The following ARRDC3 variants were observed in gnomAD, a reference collection of about 807,000 sequenced individuals.
ARRDC3 encodes the protein arrestin domain-containing protein 3.
A neutral mutation model predicts 47.2 loss-of-function variants in ARRDC3; 10 were observed. The ratio of observed to expected loss-of-function variants is 0.21; its 90% CI spans 0.13 to 0.36. ARRDC3 has a LOEUF of 0.36. Ranked by LOEUF, ARRDC3 falls within the 10% of genes least tolerant of loss-of-function variation. ARRDC3 has a pLI of 1.00. For missense variants in ARRDC3, 381 were observed against 503.6 expected (o/e 0.76, Z 2.33); for synonymous variants, 156 against 178.3 (o/e 0.87, Z 1.00).
At chr5:91,376,474 G>T in intron 3 of ARRDC3, 147 bp downstream of exon 3, 1 of 725,032 alleles carries the variant, frequency 1.4e-6, no homozygotes, top group Non-Finnish European at 2.2e-6. Context: ...CAGTGTTCTT[G>T]ACTGTATTTA....
chr5:91,373,796 C>G lies in ARRDC3; in HGVS notation c.1076G>C (p.Arg359Pro). The G allele has an allele frequency of 6.2e-7, 1 of 1,614,066 alleles. No individual in the cohort carries two copies. The highest frequency in any genetic ancestry group is 1.3e-5 in the African/African-American group (1 of 75,034). Residue 359 changes from arginine to proline, a missense_variant, in exon 7 of 8, where the codon CGG becomes CCG. Transcript: ENST00000265138. ...YAEVVTEEQR[R>P]NNLAPVSACD... The stretch of plus-strand genomic sequence containing the variant: ...AGCACTCACTGGTGCAAGATTGTTC[C>G]GCCTTTGTTCCTCTGTTACCACTTC...
At position 91,375,540 on chromosome 5, in the gene ARRDC3, G is replaced by A. The variant is rs1249718877; in HGVS notation, c.584C>T (p.Ala195Val). Reference sequence around the variant, plus strand: ...GGTATAGCCCTTCCTTTCAATTTTGGCACTTAAGGATATTGGGCCTGAGGT... The same window carrying A: ...GGTATAGCCCTTCCTTTCAATTTTGACACTTAAGGATATTGGGCCTGAGGT... ...FCTSGPISLS[A>V]KIERKGYTPG... Residue 195 changes from alanine to valine, a missense_variant, in exon 4 of 8, where the codon GCC becomes GTC. Ala to Val is a moderately conservative substitution (Grantham distance 64, BLOSUM62 0). Transcript: ENST00000265138. 6.2e-7 allele frequency: 1 copy of A among 1,611,304 alleles called. No individual in the cohort carries two copies. The highest frequency in any genetic ancestry group is 8.5e-7 in the Non-Finnish European group (1 of 1,178,460).
chr5:91,378,767 TATC>T lies in ARRDC3; in HGVS notation c.286_288del (p.Asp96del), dbSNP rs767043857. ...ATAGTGTGGAAGCCTTCTTCGGAATTATCATCATCTAAAACAAACATAAAAAGA... is the reference window on the plus strand; with the variant it reads ...ATAGTGTGGAAGCCTTCTTCGGAATTATCATCTAAAACAAACATAAAAAGA... On this transcript the variant is annotated inframe_deletion, in exon 2 of 8. Coordinates refer to ENST00000265138, the MANE Select transcript of ARRDC3 (RefSeq NM_020801.4). 5.0e-6 allele frequency: 8 copies of T among 1,587,318 alleles called. No homozygotes were observed. The Admixed American group carries it at 1.3e-4, about 25-fold the overall frequency.
chr5:91,375,122 G>C lies in ARRDC3; in HGVS notation c.670C>G (p.Pro224Ala), dbSNP rs1799270346. 1 of 1,613,824 alleles carries C rather than the reference G, an allele frequency of 6.2e-7. No homozygotes were observed. The highest frequency in any genetic ancestry group is 8.5e-7 in the Non-Finnish European group (1 of 1,180,002). ...TGTGTTTGGTAAATGGCTGCCTTTG[G>C]CACCACCATTCGGGAAGAGCAGTTC... Reference protein sequence around the residue: ...IENCSSRMVVPKAAIYQTQAF... With the variant: ...IENCSSRMVVAKAAIYQTQAF... Residue 224 changes from proline to alanine, a missense_variant, in exon 5 of 8, where the codon CCA (proline) becomes GCA (alanine). By Grantham distance (27) the Pro-to-Ala change is conservative. Transcript: ENST00000265138.
chr5:91,372,573 T>C (rs1183408849), intron 7 of ARRDC3, among the ~76,000 whole-genome samples: 1 of 152,144 alleles, frequency 6.6e-6, no homozygotes, highest in Non-Finnish European at 1.5e-5. Context: ...AGAACACTTT[T>C]AGCATCTAAT....
In ARRDC3 at chr5:91,373,855, C is replaced by T; in HGVS notation, c.1034-17G>A. 1 of 1,613,470 alleles carries T rather than the reference C, an allele frequency of 6.2e-7. No homozygotes were observed. The highest frequency in any genetic ancestry group is 8.5e-7 in the Non-Finnish European group (1 of 1,179,522). On this transcript the variant is annotated splice_polypyrimidine_tract_variant and intron_variant, in intron 6 of 7. Transcript: ENST00000265138. ...TGGGTGGTGCTGAAGGAAAAAGATACACGCAATTCGAACAGCATGTTCTTA... is the reference window on the plus strand; with the variant it reads ...TGGGTGGTGCTGAAGGAAAAAGATATACGCAATTCGAACAGCATGTTCTTA...
At chr5:91,380,051 TC>T (rs1799408329) in intron 1 of ARRDC3, 1 of 152,190 alleles carries the variant, frequency 6.6e-6, no homozygotes. Flanking sequence ...TTCCCTTTCT[TC>T]CCTCTTCGCT....
intron 3 of ARRDC3, 41 bp from the exon 4 acceptor site, chr5:91,375,654 T>C (rs767636700): frequency 1.5e-5 from 21 of 1,373,872 alleles, no homozygotes; most frequent in African/African-American, 1.3e-4. Context: ...AGTGTATGGA[T>C]TGGTACAATC....
chr5:91,377,251 G>T (rs1799325484), intron 2 of ARRDC3, among the ~76,000 whole-genome samples: 1 of 152,110 alleles, frequency 6.6e-6, no homozygotes, highest in African/African-American at 2.4e-5. Flanking sequence ...GCCTGGAATA[G>T]TCATTATAGT....
Position 91,368,653 on chromosome 5 carries a change from G to A in ARRDC3, c.*2747C>T, listed in dbSNP as rs1197339651. On this transcript the variant is annotated 3_prime_UTR_variant, in exon 8 of 8. Transcript: ENST00000265138. ...GAATGGCTTAAAATAGAGTTTAATA[G>A]TTTAATTTAATGTGTTTGCATGTAT... The A allele has an allele frequency of 1.3e-5, 2 of 152,206 alleles. No individual in the cohort carries two copies. The highest frequency in any genetic ancestry group is 2.9e-5 in the Non-Finnish European group (2 of 68,040). 9.4% of individuals were successfully genotyped at this position (152,206 alleles called of 1,614,324 possible).
Position 91,369,746 on chromosome 5 carries a change from C to T in ARRDC3, c.*1654G>A, listed in dbSNP as rs1161105474. ...TCTTTAAAAACATCAGAGCTGAATT[C>T]CTTCTAAAATACAACAACAACAACA... On this transcript the variant is annotated 3_prime_UTR_variant, in exon 8 of 8. Coordinates refer to ENST00000265138, the MANE Select transcript of ARRDC3 (RefSeq NM_020801.4). The T allele has an allele frequency of 6.6e-6, 1 of 151,936 alleles. No individual in the cohort carries two copies. Among genetic ancestry groups the T allele is most frequent in the East Asian group, 1.9e-4 (1 of 5,182 alleles). 9.4% of individuals were successfully genotyped at this position (151,936 alleles called of 1,614,324 possible).
chr5:91,382,302 G>T (rs1044054615), intron 1 of ARRDC3, among the ~76,000 whole-genome samples: 2 of 152,158 alleles, frequency 1.3e-5, no homozygotes, highest in African/African-American at 2.4e-5. Flanking sequence ...ATAAGCCACA[G>T]AAATCTTTTA....
intron 6 of ARRDC3, 42 bp downstream of exon 6, chr5:91,374,072 T>C (rs1313017327): frequency 1.9e-6 from 3 of 1,576,572 alleles, no homozygotes; most frequent in African/African-American, 2.7e-5. Context: ...TTCTTGATAA[T>C]AGTAGTAAGA....
intron 2 of ARRDC3, among the ~76,000 whole-genome samples, chr5:91,377,382 T>C (rs1799328775): frequency 6.6e-6 from 1 of 152,152 alleles, no homozygotes; most frequent in Admixed American, 6.5e-5. Context: ...GAAAAAGATA[T>C]AGTCCTCTTG....
Position 91,371,426 on chromosome 5 carries a change from C to T in ARRDC3, c.1219G>A (p.Asp407Asn). 2 of 1,613,558 alleles carry T rather than the reference C, an allele frequency of 1.2e-6. No homozygotes were observed. The highest frequency in any genetic ancestry group is 1.7e-6 in the Non-Finnish European group (2 of 1,179,706). The change falls in exon 8 of 8, where the codon GAT becomes AAT. Residue 407 changes from aspartate to asparagine, a missense_variant. Coordinates refer to ENST00000265138, the MANE Select transcript of ARRDC3 (RefSeq NM_020801.4). ...IDPNPDQSAD[D>N]RPSCPSR Reference sequence around the variant, plus strand: ...CAACGAGAGGGGCAGGATGGTCTATCATCTGCTGACTGATCAGGATTTGGA... The same window carrying T: ...CAACGAGAGGGGCAGGATGGTCTATTATCTGCTGACTGATCAGGATTTGGA...
chr5:91,383,251 A>C lies in ARRDC3; in HGVS notation c.-159T>G, dbSNP rs1439510209. The C allele has an allele frequency of 5.6e-6, 4 of 709,186 alleles. No individual in the cohort carries two copies. Among genetic ancestry groups the C allele is most frequent in the Non-Finnish European group, 8.9e-6 (4 of 450,124 alleles). The allele number at this position is 709,186 out of a possible 1,614,324, so 43.9% of individuals were successfully genotyped here. A position where few individuals can be genotyped will look rare whatever the true frequency, so the allele number is the denominator to read the frequency against. ...ACAAATAGTTCATTGAGATTTCTTA[A>C]AAAGTCAGGGCAGCAGAGGCTGCTG... On this transcript the variant is annotated 5_prime_UTR_variant, in exon 1 of 8. Coordinates refer to ENST00000265138, the MANE Select transcript of ARRDC3 (RefSeq NM_020801.4).
At chr5:91,374,417 G>T in intron 5 of ARRDC3, 141 bp from the exon 6 acceptor site, 2 of 676,364 alleles carry the variant, frequency 3.0e-6, no homozygotes, top group Non-Finnish European at 5.0e-6. Context: ...TCTCTTTTAT[G>T]TATAATTCTG....
rs1243139730 is a variant in ARRDC3, at chr5:91,370,958, T to C, written c.*442A>G. 1 of 151,936 alleles carries C rather than the reference T, an allele frequency of 6.6e-6. No homozygotes were observed. Among genetic ancestry groups the C allele is most frequent in the African/African-American group, 2.5e-5 (1 of 39,742 alleles). The allele number at this position is 151,936 out of a possible 1,614,324, so 9.4% of individuals were successfully genotyped here. On this transcript the variant is annotated 3_prime_UTR_variant, in exon 8 of 8. Coordinates refer to ENST00000265138, the MANE Select transcript of ARRDC3 (RefSeq NM_020801.4). ...TTCAAAGCTTTGTTTTGTTCCTTGTTGTGCTGACCACAAACAAGTTTTAAG... is the reference window on the plus strand; with the variant it reads ...TTCAAAGCTTTGTTTTGTTCCTTGTCGTGCTGACCACAAACAAGTTTTAAG...
rs754713200 is a variant in ARRDC3 at position 91,373,765 on chromosome 5, A to G, written c.1107T>C (p.Asp369=). 1.4e-5 allele frequency: 22 copies of G among 1,613,992 alleles called. No homozygotes were observed. The highest frequency in any genetic ancestry group is 1.8e-5 in the Non-Finnish European group (21 of 1,179,972). Residue 369 remains aspartate, a synonymous_variant, in exon 7 of 8, where the codon GAT becomes GAC. Coordinates refer to ENST00000265138, the MANE Select transcript of ARRDC3 (RefSeq NM_020801.4). Reference sequence around the variant, plus strand: ...GTCCTTGAAGGGCTCTCTCAAAGTCATCACAAGCACTCACTGGTGCAAGAT... The same window carrying G: ...GTCCTTGAAGGGCTCTCTCAAAGTCGTCACAAGCACTCACTGGTGCAAGAT... ...RNNLAPVSAC[D]DFERALQGPL...
Sources: gnomAD v4.1 joint callset for allele counts (sites outside exome capture counted in the v4.1 genomes callset) on GRCh38, gnomAD v4.1.1 for gene constraint, MANE v1.5 for transcripts, NCBI Gene and HGNC (gene_info 2026-07-23, HGNC 2026-07-21) for gene names.